The following CNGB1 variants were observed in gnomAD, a reference collection of about 807,000 sequenced individuals.
CNGB1 encodes the protein cyclic nucleotide-gated channel beta-1.
A neutral mutation model predicts 151.7 loss-of-function variants in CNGB1; 126 were observed. That is an observed-to-expected ratio of 0.83 (90% CI 0.72 to 0.96). The LOEUF (loss-of-function observed/expected upper bound fraction) is 0.96. CNGB1 is among the 40% of genes least tolerant of loss of function. The probability of loss-of-function intolerance (pLI) is 0.00; values close to 1 mark genes in which losing one functional copy is unlikely to be tolerated. For synonymous variants in CNGB1, 623 were observed against 635.1 expected, an observed-to-expected ratio of 0.98 and a Z score of 0.29; for missense variants, 1,698 against 1,627.0, an observed-to-expected ratio of 1.04 and a Z score of -0.75.
chr16:57,969,327 CA>C (rs201685971), intron 1 of CNGB1, among the ~76,000 whole-genome samples: 2,148 of 151,454 alleles, frequency 0.014, 54 homozygotes, highest in African/African-American at 0.05. Context: ...AACAGACAAA[CA>C]AAAAGGCTGG....
intron 16 of CNGB1, among the ~76,000 whole-genome samples, chr16:57,936,451 G>GGTTTATAAGGTTTATAAGGTTATAAGGTT (rs1473432509): frequency 6.6e-6 from 1 of 152,182 alleles, no homozygotes; most frequent in African/African-American, 2.4e-5. Flanking sequence ...GGTTTTACCT[G>GGTTTATAAGGTTTATAAGGTTATAAGGTT]TATAAAAACA....
Position 57,933,554 on chromosome 16 carries a change from A to AGAAG in CNGB1, c.1373-1677_1373-1676insCTTC, listed in dbSNP as rs1961419170. 2.0e-5 allele frequency among the ~76,000 whole-genome samples: 3 copies of AGAAG among 152,144 alleles called. No homozygotes were observed. In the South Asian group the frequency reaches 6.2e-4, roughly 32 times the overall value. On this transcript the variant is annotated intron_variant, in intron 16 of 32. Transcript: ENST00000251102. Reference sequence around the variant, plus strand: ...GCTCAGAGGATACTGAGAGGCTGGGATAGTATTCCTCCTTCTCCCCTACAC... The same window carrying AGAAG: ...GCTCAGAGGATACTGAGAGGCTGGGAGAAGTAGTATTCCTCCTTCTCCCCTACAC...
intron 31 of CNGB1, among the ~76,000 whole-genome samples, chr16:57,896,563 A>C (rs1469344546): frequency 6.6e-6 from 1 of 151,998 alleles, no homozygotes. Flanking sequence ...AAATACAAAA[A>C]TTAGCCGGGC....
At chr16:57,910,297 G>T (rs1379831905) in intron 25 of CNGB1, among the ~76,000 whole-genome samples, 1 of 152,156 alleles carries the variant, frequency 6.6e-6, no homozygotes, top group Non-Finnish European at 1.5e-5. Flanking sequence ...GGTCACCACA[G>T]CCCCTTATCA....
intron 17 of CNGB1, among the ~76,000 whole-genome samples, chr16:57,926,536 C>T (rs149798239): frequency 6.6e-6 from 1 of 152,318 alleles, no homozygotes; most frequent in East Asian, 1.9e-4. Context: ...GCCAACTCGC[C>T]GAGGATGGCA....
chr16:57,891,842 C>T (rs141392528), intron 31 of CNGB1, among the ~76,000 whole-genome samples: 4,900 of 152,244 alleles, frequency 0.032, 246 homozygotes, highest in African/African-American at 0.11. Flanking sequence ...CAGGCATGAG[C>T]CACTGTGCCG....
intron 31 of CNGB1, among the ~76,000 whole-genome samples, chr16:57,895,626 G>C (rs1295976524): frequency 3.3e-5 from 5 of 151,488 alleles, no homozygotes; most frequent in Admixed American, 2.0e-4. Context: ...GTCTGCTGCA[G>C]AGGCCTAGTA....
At chr16:57,921,217 C>CTTTTTT (rs1185678390) in intron 18 of CNGB1, among the ~76,000 whole-genome samples, 9 of 90,106 alleles carry the variant, frequency 1.0e-4, no homozygotes, top group African/African-American at 2.0e-4. Context: ...AAATGAGGCT[C>CTTTTTT]TTTTTTTTTT....
Position 57,903,836 on chromosome 16 carries a change from G to T in CNGB1, c.2780C>A (p.Ser927Ter), listed in dbSNP as rs1229568395. The T allele has an allele frequency of 6.2e-7, 1 of 1,614,148 alleles. No homozygotes were observed. The highest frequency in any genetic ancestry group is 8.5e-7 in the Non-Finnish European group (1 of 1,180,040). The change falls in exon 27 of 33, where the codon TCG becomes TAG. Residue 927 changes from serine to a stop codon, truncating the protein, a stop_gained. Coordinates refer to ENST00000251102, the MANE Select transcript of CNGB1 (RefSeq NM_001297.5). LOFTEE classifies it high-confidence loss of function. ...GACCATCTTACCCAGCATGCCTTGC[G>T]AGTGCCAGGTGTACTCGTACCAGGT... Reference protein sequence around the residue: ...VKTWYEYTWHSQGMLDESELM... With the variant: ...VKTWYEYTWH
chr16:57,954,926 T>C, intron 12 of CNGB1: 1 of 1,027,814 alleles, frequency 9.7e-7, no homozygotes, highest in Non-Finnish European at 1.2e-6. Flanking sequence ...TTAAAAAAGG[T>C]TTTTTAGAGA....
At chr16:57,948,217 C>T (rs919934909) in intron 14 of CNGB1, among the ~76,000 whole-genome samples, 4 of 152,198 alleles carry the variant, frequency 2.6e-5, no homozygotes, top group Non-Finnish European at 5.9e-5. Flanking sequence ...TGCCACTCTC[C>T]TGCTCATGAA....
At chr16:57,897,622 G>A (rs1960270189) in intron 30 of CNGB1, 79 bp from the exon 31 acceptor site, 1 of 1,603,350 alleles carries the variant, frequency 6.2e-7, no homozygotes, top group Non-Finnish European at 8.5e-7. Flanking sequence ...TCCCATGTGT[G>A]GAGGACAGTG....
chr16:57,890,837 C>T (rs563447643), intron 31 of CNGB1, among the ~76,000 whole-genome samples: 5 of 152,348 alleles, frequency 3.3e-5, no homozygotes, highest in Admixed American at 2.0e-4. Context: ...CAATCCCCTG[C>T]CTCTCTGGTC....
At chr16:57,884,705 T>A (rs181124384) in intron 32 of CNGB1, among the ~76,000 whole-genome samples, 2 of 152,136 alleles carry the variant, frequency 1.3e-5, no homozygotes, top group East Asian at 3.9e-4. Context: ...ATGTCTTAGA[T>A]CTAGGCTGTG....
intron 12 of CNGB1, 122 bp from the exon 13 acceptor site, chr16:57,950,662 T>C (rs1348108302): frequency 2.1e-5 from 21 of 988,968 alleles, no homozygotes; most frequent in Admixed American, 3.8e-5. Flanking sequence ...TGCTTAGTCA[T>C]GCAGTGGGGA....
At position 57,939,224 on chromosome 16, in the gene CNGB1, C is replaced by A. The variant is rs544657896; in HGVS notation, c.1372+206G>T. Among the ~76,000 whole-genome samples, 19 of 152,160 alleles carry A rather than the reference C, an allele frequency of 1.2e-4. No homozygotes were observed. The South Asian group carries it at 3.9e-3, about 32-fold the overall frequency. The stretch of plus-strand genomic sequence containing the variant: ...TGGGCCTCAGTGAAATTCCTTAGAA[C>A]CTTTGAGATGTATCAGTAGGCTCTG... On this transcript the variant is annotated intron_variant, in intron 16 of 32. Coordinates refer to ENST00000251102, the MANE Select transcript of CNGB1 (RefSeq NM_001297.5).
At chr16:57,894,479 T>G (rs1270063736) in intron 31 of CNGB1, among the ~76,000 whole-genome samples, 3 of 152,158 alleles carry the variant, frequency 2.0e-5, no homozygotes, top group Non-Finnish European at 2.9e-5. Context: ...CAGATGCCTG[T>G]AATCCCAGCT....
intron 32 of CNGB1, among the ~76,000 whole-genome samples, chr16:57,884,832 A>G (rs1462233974): frequency 6.6e-6 from 1 of 152,066 alleles, no homozygotes; most frequent in East Asian, 1.9e-4. Context: ...CAAAGGCTGA[A>G]CCAACCATCT....
chr16:57,917,081 G>A (rs3991716), intron 21 of CNGB1, among the ~76,000 whole-genome samples, 187 bp downstream of exon 21: 45,209 of 152,074 alleles, frequency 0.3, 7,195 homozygotes, highest in African/African-American at 0.42. Flanking sequence ...TCTGATGTGC[G>A]TAATTTGAAC....
Sources: allele counts gnomAD v4.1 joint callset (sites outside exome capture counted in the v4.1 genomes callset), GRCh38; gene constraint gnomAD v4.1.1; transcripts MANE v1.5; gene names NCBI Gene and HGNC (gene_info 2026-07-23, HGNC 2026-07-21).